RMDN2: variants seen among roughly 807,000 people sequenced by gnomAD.
RMDN2 encodes the protein regulator of microtubule dynamics protein 2.
Under a neutral mutation model 52.8 loss-of-function variants are expected in RMDN2, and 61 were observed. That is an observed-to-expected ratio of 1.16 (90% CI 0.94 to 1.43). RMDN2 has a LOEUF of 1.43. RMDN2 is among the 40% of genes most tolerant of loss of function. RMDN2 has a pLI of 0.00. For synonymous variants in RMDN2, 180 were observed against 153.1 expected, an observed-to-expected ratio of 1.18 and a Z score of -1.30; for missense variants, 592 against 475.3, an observed-to-expected ratio of 1.25 and a Z score of -2.28.
At chr2:38,017,040 A>T (rs1224798207) in intron 10 of RMDN2, 146 bp from the exon 11 acceptor site, 2 of 381,638 alleles carry the variant, frequency 5.2e-6, no homozygotes, top group Non-Finnish European at 9.3e-6. Flanking sequence ...AATTAGGGAA[A>T]GTATTTGGTG....
At chr2:37,951,949 TA>T (rs757646117) in intron 2 of RMDN2, 6 of 1,613,562 alleles carry the variant, frequency 3.7e-6, no homozygotes, top group Non-Finnish European at 5.1e-6. Context: ...TGTAAAGATT[TA>T]AAAGATTTCC....
chr2:38,021,415 TG>T (rs1679368637), downstream of RMDN2, among the ~76,000 whole-genome samples: 2 of 152,284 alleles, frequency 1.3e-5, no homozygotes, highest in Admixed American at 1.3e-4. Context: ...TTTGTTTTTT[TG>T]CTCTTTGCAA....
chr2:38,017,475 A>G lies in RMDN2; in HGVS notation c.*236A>G. On this transcript the variant is annotated 3_prime_UTR_variant, in exon 11 of 11. Transcript: ENST00000354545. ...TAATCTATAAACATGTATGCTTTAT[A>G]TTTTTCTTATCAATAAACTGCAGCC... The G allele has an allele frequency of 8.9e-7, 1 of 1,122,558 alleles. No homozygotes were observed. Among genetic ancestry groups the G allele is most frequent in the Non-Finnish European group, 1.2e-6 (1 of 846,970 alleles). 69.5% of individuals were successfully genotyped at this position (1,122,558 alleles called of 1,614,324 possible).
At chr2:37,947,927 G>T (rs546285973) in intron 2 of RMDN2, among the ~76,000 whole-genome samples, 1 of 152,164 alleles carries the variant, frequency 6.6e-6, no homozygotes, top group Non-Finnish European at 1.5e-5. Flanking sequence ...TCTCTGAAGA[G>T]ACTTGTCATC....
At chr2:37,974,820 T>C in intron 3 of RMDN2, 1 of 189,014 alleles carries the variant, frequency 5.3e-6, no homozygotes, top group South Asian at 1.1e-4. Context: ...CTTTTGAGTA[T>C]ATGCATTTTC....
intron 10 of RMDN2, among the ~76,000 whole-genome samples, chr2:38,034,965 T>G (rs1315292138): frequency 6.6e-6 from 1 of 152,170 alleles, no homozygotes; most frequent in Non-Finnish European, 1.5e-5. Flanking sequence ...GTCACTACTA[T>G]TATTGAATAT....
chr2:38,004,996 G>C (rs1358004652), intron 10 of RMDN2, among the ~76,000 whole-genome samples: 3 of 152,016 alleles, frequency 2.0e-5, no homozygotes, highest in African/African-American at 7.2e-5. Context: ...ATGGTTTCCA[G>C]CTTCATCCAT....
At chr2:37,977,759 G>C (rs974675493) in intron 4 of RMDN2, among the ~76,000 whole-genome samples, 8 of 151,804 alleles carry the variant, frequency 5.3e-5, no homozygotes, top group Non-Finnish European at 1.0e-4. Flanking sequence ...CATCCCAGAC[G>C]ATGGGTGGCC....
chr2:37,939,540 G>A (rs1350656993), intron 2 of RMDN2, among the ~76,000 whole-genome samples: 1 of 152,164 alleles, frequency 6.6e-6, no homozygotes, highest in African/African-American at 2.4e-5. Context: ...CTCTTTGTAT[G>A]TCTCTAAGAA....
chr2:37,955,637 CAA>C (rs1173536545), intron 2 of RMDN2, among the ~76,000 whole-genome samples: 3 of 152,120 alleles, frequency 2.0e-5, no homozygotes, highest in African/African-American at 7.2e-5. Flanking sequence ...GAGTAAGTCT[CAA>C]GAGATCTGAT....
At chr2:38,043,938 A>C (rs1425551553) in intron 10 of RMDN2, among the ~76,000 whole-genome samples, 3 of 152,032 alleles carry the variant, frequency 2.0e-5, no homozygotes, top group African/African-American at 4.8e-5. Context: ...ACCTTCACTT[A>C]TTCCTTATCT....
At chr2:38,003,601 T>TAGATAGGCAGAC (rs1399175169) in intron 8 of RMDN2, among the ~76,000 whole-genome samples, 3 of 124,070 alleles carry the variant, frequency 2.4e-5, no homozygotes, top group African/African-American at 8.0e-5. Context: ...GATAGATAGA[T>TAGATAGGCAGAC]AGGCAGACAG....
At chr2:38,058,485 G>A (rs1033400988) in intron 10 of RMDN2, among the ~76,000 whole-genome samples, 1 of 152,216 alleles carries the variant, frequency 6.6e-6, no homozygotes, top group Non-Finnish European at 1.5e-5. Flanking sequence ...GCTCTGCTCA[G>A]GCAGGGGACT....
At chr2:37,965,098 A>G (rs1246837537) in intron 2 of RMDN2, among the ~76,000 whole-genome samples, 4 of 152,060 alleles carry the variant, frequency 2.6e-5, no homozygotes, top group African/African-American at 9.7e-5. Flanking sequence ...GTCCTTCCAT[A>G]TTCAACATAT....
At chr2:38,049,251 G>A (rs910739242) in intron 10 of RMDN2, among the ~76,000 whole-genome samples, 5 of 152,126 alleles carry the variant, frequency 3.3e-5, no homozygotes, top group African/African-American at 1.2e-4. Flanking sequence ...GAAAGAAAAG[G>A]GAGTAGAAGG....
intron 5 of RMDN2, among the ~76,000 whole-genome samples, chr2:37,987,307 C>T (rs932297551): frequency 7.9e-5 from 12 of 151,958 alleles, no homozygotes; most frequent in Non-Finnish European, 1.3e-4. Flanking sequence ...ATTCAACAGG[C>T]GAATGAATAA....
chr2:37,997,551 G>C (rs762104297), intron 8 of RMDN2, 37 bp downstream of exon 8: 1 of 1,276,304 alleles, frequency 7.8e-7, no homozygotes, highest in South Asian at 1.2e-5. Flanking sequence ...GTGTCAGACT[G>C]ATTACCATCT....
At chr2:38,002,081 C>T (rs1237902238) in intron 8 of RMDN2, among the ~76,000 whole-genome samples, 1 of 152,126 alleles carries the variant, frequency 6.6e-6, no homozygotes, top group East Asian at 1.9e-4. Context: ...AGATTTTTGT[C>T]CTCCTTCTTC....
At chr2:37,977,490 C>T (rs1028803722) in intron 4 of RMDN2, among the ~76,000 whole-genome samples, 6 of 150,480 alleles carry the variant, frequency 4.0e-5, no homozygotes, top group South Asian at 2.1e-4. Context: ...CCGGACGGGG[C>T]GGCTGCCGGG....
Sources: gnomAD v4.1 joint callset for allele counts (sites outside exome capture counted in the v4.1 genomes callset) on GRCh38, gnomAD v4.1.1 for gene constraint, MANE v1.5 for transcripts, NCBI Gene and HGNC (gene_info 2026-07-23, HGNC 2026-07-21) for gene names.